The following COPG2 variants were observed in gnomAD, a reference collection of about 807,000 sequenced individuals.
COPG2 encodes the protein coat protein complex I subunit gamma 2.
COPG2 carries 37 observed loss-of-function variants against 46.3 expected under a neutral mutation model. That is an observed-to-expected ratio of 0.80 (90% CI 0.61 to 1.05). COPG2 has a LOEUF of 1.05. Ranked by LOEUF, COPG2 falls within the 50% of genes least tolerant of loss-of-function variation. The probability of loss-of-function intolerance (pLI) is 0.00; values close to 1 mark genes in which losing one functional copy is unlikely to be tolerated. For missense variants in COPG2, 427 were observed against 387.8 expected (o/e 1.10, Z -0.85); for synonymous variants, 159 against 129.7 (o/e 1.23, Z -1.53).
intron 9 of COPG2, among the ~76,000 whole-genome samples, chr7:130,568,979 A>C (rs1170687172): frequency 6.6e-6 from 1 of 152,246 alleles, no homozygotes; most frequent in Non-Finnish European, 1.5e-5. Flanking sequence ...CATCAATGAA[A>C]TCAAGATGGA....
intron 9 of COPG2, among the ~76,000 whole-genome samples, chr7:130,597,298 C>A (rs1274218500): frequency 6.6e-6 from 1 of 152,190 alleles, no homozygotes; most frequent in Non-Finnish European, 1.5e-5. Flanking sequence ...GGTGCTGGGA[C>A]TATCTGGGTG....
chr7:130,654,374 C>T (rs539097863), intron 4 of COPG2, among the ~76,000 whole-genome samples: 2 of 152,184 alleles, frequency 1.3e-5, no homozygotes, highest in Admixed American at 6.5e-5. Context: ...TAACATCTAC[C>T]AAAATGAGGT....
At chr7:130,589,637 A>C (rs577297672) in intron 9 of COPG2, among the ~76,000 whole-genome samples, 2 of 152,304 alleles carry the variant, frequency 1.3e-5, no homozygotes, top group East Asian at 3.9e-4. Flanking sequence ...TATTTCTACC[A>C]ATTTATATTC....
At chr7:130,640,762 C>A (rs1271421927) in intron 5 of COPG2, among the ~76,000 whole-genome samples, 1 of 152,220 alleles carries the variant, frequency 6.6e-6, no homozygotes, top group Non-Finnish European at 1.5e-5. Flanking sequence ...TTCTCCACTT[C>A]TGCCTGTGTG....
At chr7:130,526,067 G>T (rs1041579276) in intron 20 of COPG2, among the ~76,000 whole-genome samples, 36 of 152,140 alleles carry the variant, frequency 2.4e-4, no homozygotes, top group African/African-American at 7.5e-4. Flanking sequence ...GGTGAGGAAA[G>T]GAGGAAGAGA....
At chr7:130,587,028 TGGG>T (rs1794287636) in intron 9 of COPG2, among the ~76,000 whole-genome samples, 1 of 151,852 alleles carries the variant, frequency 6.6e-6, no homozygotes, top group South Asian at 2.1e-4. Context: ...ACCATTCAGC[TGGG>T]CGTGGTGGCT....
At chr7:130,627,658 CT>C (rs1554454455) in intron 5 of COPG2, among the ~76,000 whole-genome samples, 1 of 151,842 alleles carries the variant, frequency 6.6e-6, no homozygotes, top group Non-Finnish European at 1.5e-5. Flanking sequence ...ACAGCAACAA[CT>C]TTAATCTTTC....
intron 9 of COPG2, among the ~76,000 whole-genome samples, chr7:130,577,155 GAGA>G (rs1256924858): frequency 2.6e-5 from 4 of 152,332 alleles, no homozygotes; most frequent in Non-Finnish European, 5.9e-5. Flanking sequence ...CAGAATGATT[GAGA>G]AGGAGGAGCC....
At chr7:130,603,878 CTAA>C (rs1554450814) in intron 9 of COPG2, 5 of 518,654 alleles carry the variant, frequency 9.6e-6, no homozygotes, top group Non-Finnish European at 1.9e-5. Context: ...CAAAATATCA[CTAA>C]TAACCTACTA....
intron 2 of COPG2, 97 bp downstream of exon 2, chr7:130,667,385 G>T: frequency 1.1e-6 from 1 of 938,436 alleles, no homozygotes. Context: ...TACGTTTCTT[G>T]TTTTGCATGT....
intron 2 of COPG2, 131 bp downstream of exon 2, chr7:130,667,350 CA>C: frequency 2.8e-6 from 2 of 707,886 alleles, no homozygotes; most frequent in Non-Finnish European, 4.7e-6. Flanking sequence ...TCTTTTCCCT[CA>C]AATCTATATT....
intron 5 of COPG2, among the ~76,000 whole-genome samples, chr7:130,629,269 A>G (rs1554454783): frequency 2.0e-5 from 3 of 151,794 alleles, no homozygotes; most frequent in Non-Finnish European, 4.4e-5. Flanking sequence ...TATGTGTCCC[A>G]TGTGGTGTTC....
intron 9 of COPG2, among the ~76,000 whole-genome samples, chr7:130,583,493 TAAAAAAA>T (rs782593413): frequency 2.3e-3 from 78 of 34,388 alleles, no homozygotes; most frequent in African/African-American, 0.011. Context: ...ACATAAAGTA[TAAAAAAA>T]AAAAAAAAAA....
chr7:130,553,668 A>G (rs1793570285), intron 14 of COPG2, among the ~76,000 whole-genome samples: 1 of 152,238 alleles, frequency 6.6e-6, no homozygotes, highest in Non-Finnish European at 1.5e-5. Flanking sequence ...ACAGCCTATT[A>G]GCAGAGCTCT....
rs377594851 is a variant in COPG2, at chr7:130,507,665, G to C, written c.2386+20C>G. 3.6e-5 allele frequency: 28 copies of C among 779,116 alleles called. No homozygotes were observed. Among genetic ancestry groups the C allele is most frequent in the Non-Finnish European group, 6.2e-5 (26 of 417,414 alleles). 48.3% of individuals were successfully genotyped at this position (779,116 alleles called of 1,614,324 possible). On this transcript the variant is annotated intron_variant, in intron 22 of 23. Coordinates refer to ENST00000425248, the MANE Select transcript of COPG2 (RefSeq NM_012133.6). ...TTATACTGTTATCAGGCAATATACT[G>C]ATAGCAAAATGGGTCTCACCTTCAA...
At position 130,506,817 on chromosome 7, in the gene COPG2, AAAGT is replaced by A; in HGVS notation, c.2486-15_2486-12del. On this transcript the variant is annotated splice_polypyrimidine_tract_variant and intron_variant, in intron 23 of 23. Transcript: ENST00000425248. ...CACCTCTGAATATACCTGAGAGAAA[AAAGT>A]AAGGAAAACCATATTAAGAACCCAA... The A allele has an allele frequency of 1.3e-6, 1 of 768,894 alleles. No homozygotes were observed. Among genetic ancestry groups the A allele is most frequent in the Non-Finnish European group, 2.4e-6 (1 of 413,830 alleles). 47.6% of individuals were successfully genotyped at this position (768,894 alleles called of 1,614,324 possible).
At chr7:130,595,346 G>A (rs1794508045) in intron 9 of COPG2, among the ~76,000 whole-genome samples, 1 of 152,206 alleles carries the variant, frequency 6.6e-6, no homozygotes, top group South Asian at 2.1e-4. Context: ...GTATTTTCCA[G>A]GGCGAGAGGG....
intron 9 of COPG2, chr7:130,603,916 A>C (rs1305799161): frequency 4.0e-5 from 20 of 503,090 alleles, no homozygotes; most frequent in Admixed American, 3.3e-4. Context: ...GATAACAAAA[A>C]TAGTTCATTA....
Position 130,580,634 on chromosome 7 carries a change from A to G in COPG2, c.738-16241T>C, listed in dbSNP as rs1477250723. Among the ~76,000 whole-genome samples, 656 of 99,498 alleles carry G rather than the reference A, an allele frequency of 6.6e-3. 15 individuals carry two copies. The highest frequency in any genetic ancestry group is 0.031 in the African/African-American group (608 of 19,792). 65.3% of individuals were successfully genotyped at this position (99,498 alleles called of 152,430 possible). A position where few individuals can be genotyped will look rare whatever the true frequency, so the allele number is the denominator to read the frequency against. On this transcript the variant is annotated intron_variant, in intron 9 of 23. Transcript: ENST00000425248. Reference sequence around the variant, plus strand: ...AAAGAAAAAAAGAGAGAAGAATCAAATAGACACAATAAAAAATGATAAAGG... The same window carrying G: ...AAAGAAAAAAAGAGAGAAGAATCAAGTAGACACAATAAAAAATGATAAAGG...
Sources: gnomAD v4.1 joint callset for allele counts (sites outside exome capture counted in the v4.1 genomes callset) on GRCh38, gnomAD v4.1.1 for gene constraint, MANE v1.5 for transcripts, NCBI Gene and HGNC (gene_info 2026-07-23, HGNC 2026-07-21) for gene names.